The following IGF1 variants were observed in gnomAD, a reference collection of about 807,000 sequenced individuals.
IGF1 encodes insulin like growth factor 1.
Under a neutral mutation model 13.8 loss-of-function variants are expected in IGF1, and 4 were observed. The ratio of observed to expected loss-of-function variants is 0.29; its 90% CI spans 0.14 to 0.66. The LOEUF (loss-of-function observed/expected upper bound fraction) is 0.66. Ranked by LOEUF, IGF1 falls within the 30% of genes least tolerant of loss-of-function variation. IGF1 has a pLI of 0.78. For synonymous variants in IGF1, 76 were observed against 72.6 expected, an observed-to-expected ratio of 1.05 and a Z score of -0.23; for missense variants, 124 against 188.5, an observed-to-expected ratio of 0.66 and a Z score of 2.00.
At chr12:102,470,748 GC>G (rs1880636065) in intron 2 of IGF1, among the ~76,000 whole-genome samples, 1 of 152,130 alleles carries the variant, frequency 6.6e-6, no homozygotes, top group Admixed American at 6.5e-5. Context: ...TCAAAACAAT[GC>G]TAATGGTGGG....
In IGF1 at chr12:102,466,530, CA is replaced by C. The variant is rs1032916624; in HGVS notation, c.220+9112del. ...CAAAAAATAGTCTGACCCAAAATGTCAATAGTGTTGAGGCTGAAAAACTCTG... is the reference window on the plus strand; with the variant it reads ...CAAAAAATAGTCTGACCCAAAATGTCATAGTGTTGAGGCTGAAAAACTCTG... On this transcript the variant is annotated intron_variant, in intron 2 of 3. Coordinates refer to ENST00000337514, the MANE Select transcript of IGF1 (RefSeq NM_000618.5). 4.3e-4 allele frequency among the ~76,000 whole-genome samples: 65 copies of C among 152,110 alleles called. 2 individuals carry two copies.
intron 2 of IGF1, among the ~76,000 whole-genome samples, chr12:102,464,108 C>T (rs1880127272): frequency 6.6e-6 from 1 of 152,146 alleles, no homozygotes; most frequent in African/African-American, 2.4e-5. Flanking sequence ...AACACTACTC[C>T]TTTTAAATAA....
chr12:102,459,306 T>C (rs577306368), intron 2 of IGF1, among the ~76,000 whole-genome samples: 1 of 152,212 alleles, frequency 6.6e-6, no homozygotes, highest in South Asian at 2.1e-4. Flanking sequence ...TCCCTGGATG[T>C]TGTTTAGAAA....
At chr12:102,480,962 AAAAG>A (rs1005336069), upstream of IGF1, among the ~76,000 whole-genome samples, 2 of 152,206 alleles carry the variant, frequency 1.3e-5, no homozygotes, top group African/African-American at 2.4e-5. Flanking sequence ...TTAAAACAAA[AAAAG>A]AAAGAAAGGA....
chr12:102,441,906 G>GCTGCTTCTT, intron 2 of IGF1, among the ~76,000 whole-genome samples: 16 of 100,288 alleles, frequency 1.6e-4, no homozygotes, highest in African/African-American at 3.9e-4. Context: ...CTATTACACT[G>GCTGCTTCTT]CTTCTTCTCC....
At chr12:102,402,668 G>C in intron 3 of IGF1, 102 bp from the exon 4 acceptor site, 1 of 761,598 alleles carries the variant, frequency 1.3e-6, no homozygotes, top group Non-Finnish European at 2.4e-6. Context: ...CGCCTTACCA[G>C]TTGAGCTAAT....
chr12:102,402,585 A>G lies in IGF1; in HGVS notation c.403-19T>C, dbSNP rs768682086. 1.4e-5 allele frequency: 11 copies of G among 780,376 alleles called. No individual in the cohort carries two copies. Among genetic ancestry groups the G allele is most frequent in the Middle Eastern group, 2.2e-4 (1 of 4,458 alleles). The allele number at this position is 780,376 out of a possible 1,614,324, so 48.3% of individuals were successfully genotyped here. A position where few individuals can be genotyped will look rare whatever the true frequency, so the allele number is the denominator to read the frequency against. On this transcript the variant is annotated intron_variant, in intron 3 of 3. Coordinates refer to ENST00000337514, the MANE Select transcript of IGF1 (RefSeq NM_000618.5). The stretch of plus-strand genomic sequence containing the variant: ...GTACTTCCTATAAATAAAGGAGAAA[A>G]AGTGACATTAACTTGATGAAGTTTT...
In IGF1 at chr12:102,456,940, G is replaced by C. The variant is rs187077464; in HGVS notation, c.220+18703C>G. Among the ~76,000 whole-genome samples the C allele has an allele frequency of 8.9e-3, 1,357 of 152,216 alleles. 14 individuals carry two copies. Among genetic ancestry groups the C allele is most frequent in the Admixed American group, 0.014 (211 of 15,292 alleles). ...AATTACCTCTGGAAACTGGTAGCGG[G>C]TCCTGATTTTCTAAGAATTTTGTGG... On this transcript the variant is annotated intron_variant, in intron 2 of 3. Transcript: ENST00000337514.
At chr12:102,444,630 A>T (rs1469644188) in intron 2 of IGF1, among the ~76,000 whole-genome samples, 1 of 152,108 alleles carries the variant, frequency 6.6e-6, no homozygotes, top group African/African-American at 2.4e-5. Context: ...ATCATATCTC[A>T]TCTAGTCTTC....
intron 2 of IGF1, among the ~76,000 whole-genome samples, chr12:102,429,977 G>A (rs1565977203): frequency 6.6e-6 from 1 of 152,176 alleles, no homozygotes; most frequent in Non-Finnish European, 1.5e-5. Context: ...CGCAATGTGA[G>A]ACCTAATGTG....
intron 2 of IGF1, among the ~76,000 whole-genome samples, chr12:102,427,091 C>A (rs530754831): frequency 6.6e-6 from 1 of 152,174 alleles, no homozygotes; most frequent in African/African-American, 2.4e-5. Flanking sequence ...TGTCACCAGG[C>A]CGCTTAATCA....
At chr12:102,434,312 A>T (rs1877021677) in intron 2 of IGF1, among the ~76,000 whole-genome samples, 1 of 89,598 alleles carries the variant, frequency 1.1e-5, no homozygotes, top group African/African-American at 4.5e-5. Flanking sequence ...CCCCCACCCC[A>T]CAACAGTCCC....
intron 2 of IGF1, among the ~76,000 whole-genome samples, chr12:102,449,926 C>G (rs1878767348): frequency 6.6e-6 from 1 of 152,020 alleles, no homozygotes; most frequent in Non-Finnish European, 1.5e-5. Flanking sequence ...CCAAAGAACA[C>G]CGGGCTCACG....
intron 3 of IGF1, among the ~76,000 whole-genome samples, chr12:102,416,759 A>G (rs893174034): frequency 6.6e-6 from 1 of 152,254 alleles, no homozygotes; most frequent in Non-Finnish European, 1.5e-5. Flanking sequence ...AGTGGTTATC[A>G]TCAGAGATCA....
At chr12:102,466,124 A>G (rs1442159542) in intron 2 of IGF1, among the ~76,000 whole-genome samples, 2 of 152,200 alleles carry the variant, frequency 1.3e-5, no homozygotes, top group Non-Finnish European at 2.9e-5. Context: ...AAGGCAAGAA[A>G]GAAAAGGCCT....
intron 3 of IGF1, 66 bp downstream of exon 3, chr12:102,419,443 G>A: frequency 6.7e-7 from 1 of 1,498,418 alleles, no homozygotes; most frequent in Non-Finnish European, 9.1e-7. Context: ...ATTTCTGCTT[G>A]GCCCACCCAC....
At position 102,400,653 on chromosome 12, in the gene IGF1, T is replaced by C. The variant is rs1873612075; in HGVS notation, c.*1854A>G. ...GATATTATTTTAATATTTCAAATTT[T>C]GGATCACTTTCCTTATATTGCCTAG... On this transcript the variant is annotated 3_prime_UTR_variant, in exon 4 of 4. Transcript: ENST00000337514. The C allele has an allele frequency of 6.6e-6, 1 of 152,216 alleles. No individual in the cohort carries two copies. Among genetic ancestry groups the C allele is most frequent in the Non-Finnish European group, 1.5e-5 (1 of 68,034 alleles). 9.4% of individuals were successfully genotyped at this position (152,216 alleles called of 1,614,324 possible).
chr12:102,463,655 A>G (rs1880093310), intron 2 of IGF1, among the ~76,000 whole-genome samples: 1 of 152,222 alleles, frequency 6.6e-6, no homozygotes, highest in Non-Finnish European at 1.5e-5. Flanking sequence ...TAAGAGCTTA[A>G]TTTTCTAGAA....
At chr12:102,405,827 CTA>C (rs1874105432) in intron 3 of IGF1, among the ~76,000 whole-genome samples, 1 of 152,220 alleles carries the variant, frequency 6.6e-6, no homozygotes, top group Non-Finnish European at 1.5e-5. Context: ...AAGATACCAT[CTA>C]TGCTTCACTC....
Sources: gnomAD v4.1 joint callset for allele counts (sites outside exome capture counted in the v4.1 genomes callset) on GRCh38, gnomAD v4.1.1 for gene constraint, MANE v1.5 for transcripts, NCBI Gene and HGNC (gene_info 2026-07-23, HGNC 2026-07-21) for gene names.